Variants in ZNF469 observed in about 807,000 individuals in gnomAD.
The protein encoded by ZNF469 is zinc finger protein 469.
A neutral mutation model predicts 1.0 loss-of-function variants in ZNF469; 1 was observed. The ratio of observed to expected loss-of-function variants is 1.00; its 90% CI spans 0.35 to 4.73. The LOEUF (loss-of-function observed/expected upper bound fraction) is 4.73. Among genes scored for constraint, ZNF469 ranks in the 30% most tolerant of loss-of-function variants. ZNF469 has a pLI of 0.16. For synonymous variants in ZNF469, 2,703 were observed against 2,363.4 expected (o/e 1.14, Z -4.17); for missense variants, 6,100 against 5,356.3 (o/e 1.14, Z -4.33).
chr16:88,387,848 G>A (rs897040160), intron 1 of ZNF469, among the ~76,000 whole-genome samples: 3 of 152,128 alleles, frequency 2.0e-5, no homozygotes, highest in Non-Finnish European at 4.4e-5. Context: ...CCCCGCCGTG[G>A]AGGAACCAGG....
the ZNF469 span, among the ~76,000 whole-genome samples, chr16:88,329,828 C>T: frequency 3.9e-5 from 6 of 152,238 alleles, no homozygotes; most frequent in African/African-American, 1.2e-4. Flanking sequence ...GGGATGCAGA[C>T]GCCTTCACAA....
chr16:88,437,751 C>A lies in ZNF469; in HGVS notation c.10281C>A (p.Phe3427Leu). Reference protein sequence around the residue: ...SFACSSCNYTFAKKEQFDRHM... With the variant: ...SFACSSCNYTLAKKEQFDRHM... ...CCTGCAGCTCCTGCAACTACACCTTCGCCAAGAAGGAGCAGTTCGACCGCC... is the reference window on the plus strand; with the variant it reads ...CCTGCAGCTCCTGCAACTACACCTTAGCCAAGAAGGAGCAGTTCGACCGCC... The change falls in exon 3 of 3, where the codon TTC (phenylalanine) becomes TTA (leucine). Residue 3427 changes from phenylalanine to leucine, a missense_variant. Physicochemically the swap from Phe to Leu is conservative, Grantham distance 22. Transcript: ENST00000565624. 2.6e-6 allele frequency: 4 copies of A among 1,549,784 alleles called. No homozygotes were observed. The highest frequency in any genetic ancestry group is 3.5e-6 in the Non-Finnish European group (4 of 1,146,608).
At chr16:88,255,622 C>T in the ZNF469 span, among the ~76,000 whole-genome samples, 11 of 152,182 alleles carry the variant, frequency 7.2e-5, no homozygotes, top group Admixed American at 5.2e-4. Context: ...CCAAAGTCCA[C>T]GGTTTACGTT....
chr16:88,164,901 T>C, the ZNF469 span, among the ~76,000 whole-genome samples: 7 of 152,230 alleles, frequency 4.6e-5, no homozygotes, highest in Non-Finnish European at 1.0e-4. Flanking sequence ...CAGTCTACAC[T>C]GAGCGTGCTT....
the ZNF469 span, among the ~76,000 whole-genome samples, chr16:88,216,580 T>A: frequency 6.6e-6 from 1 of 152,242 alleles, no homozygotes; most frequent in Non-Finnish European, 1.5e-5. Context: ...TATTGTTGAT[T>A]CTTGGAAGAC....
At chr16:88,263,389 G>T in the ZNF469 span, among the ~76,000 whole-genome samples, 108 of 152,336 alleles carry the variant, frequency 7.1e-4, no homozygotes, top group African/African-American at 2.5e-3. Flanking sequence ...AATCGGGAAC[G>T]CCCGCTCCCT....
intron 1 of ZNF469, among the ~76,000 whole-genome samples, chr16:88,402,010 GGATA>G (rs1904894136): frequency 6.7e-6 from 1 of 149,842 alleles, no homozygotes; most frequent in African/African-American, 2.5e-5. Context: ...ATGGGTGGAT[GGATA>G]GATATGTGGG....
chr16:88,385,605 C>T (rs1027527173), intron 1 of ZNF469, among the ~76,000 whole-genome samples: 4 of 150,412 alleles, frequency 2.7e-5, no homozygotes, highest in African/African-American at 9.8e-5. Flanking sequence ...ATCGTGCCAC[C>T]GCATTCCAGC....
the ZNF469 span, among the ~76,000 whole-genome samples, chr16:88,108,005 C>G: frequency 1.2e-4 from 19 of 152,364 alleles, no homozygotes; most frequent in African/African-American, 4.3e-4. Flanking sequence ...TCCATGCGAT[C>G]TGTATGTCAT....
At chr16:88,279,898 C>T in the ZNF469 span, among the ~76,000 whole-genome samples, 19 of 118,544 alleles carry the variant, frequency 1.6e-4, no homozygotes, top group African/African-American at 5.1e-4. Context: ...GTTAGTGCTG[C>T]ACCACGCCGA....
the ZNF469 span, among the ~76,000 whole-genome samples, chr16:88,336,655 C>T: frequency 6.6e-6 from 1 of 152,342 alleles, no homozygotes; most frequent in South Asian, 2.1e-4. Context: ...TATGTCCATC[C>T]TTCACGTGAG....
At chr16:88,108,910 A>T in the ZNF469 span, among the ~76,000 whole-genome samples, 3 of 152,188 alleles carry the variant, frequency 2.0e-5, no homozygotes, top group Non-Finnish European at 4.4e-5. Flanking sequence ...AGATGACTCC[A>T]GCAAAGACAT....
chr16:88,140,848 G>T, the ZNF469 span, among the ~76,000 whole-genome samples: 1 of 152,152 alleles, frequency 6.6e-6, no homozygotes, highest in African/African-American at 2.4e-5. Context: ...CAGGAGAGTC[G>T]CTTGAACCCA....
At chr16:88,152,505 G>A in the ZNF469 span, among the ~76,000 whole-genome samples, 16 of 152,242 alleles carry the variant, frequency 1.1e-4, no homozygotes, top group East Asian at 9.7e-4. This position sits in a 1 kb window ranked among gnomAD's most constrained non-coding sequence, Gnocchi z 4.2. Context: ...TCTGCTTGGC[G>A]CGCTGGATGC....
At chr16:88,396,616 A>G (rs985992485) in intron 1 of ZNF469, among the ~76,000 whole-genome samples, 6 of 150,044 alleles carry the variant, frequency 4.0e-5, no homozygotes, top group African/African-American at 1.5e-4. Context: ...ATCTGAAGGG[A>G]GGCCGGGAGG....
chr16:88,192,905 T>C, the ZNF469 span, among the ~76,000 whole-genome samples: 1 of 149,928 alleles, frequency 6.7e-6, no homozygotes, highest in Non-Finnish European at 1.5e-5. Context: ...ATGGTGGTGA[T>C]GATGGAGGTG....
intron 1 of ZNF469, among the ~76,000 whole-genome samples, chr16:88,410,501 G>A (rs1473444912): frequency 6.6e-6 from 1 of 150,546 alleles, no homozygotes; most frequent in Non-Finnish European, 1.5e-5. Flanking sequence ...GCCGTTGATG[G>A]TGCAGGTCAC....
At chr16:88,225,274 G>T in the ZNF469 span, among the ~76,000 whole-genome samples, 3 of 152,236 alleles carry the variant, frequency 2.0e-5, no homozygotes, top group East Asian at 5.8e-4. Context: ...GTTGGATTCT[G>T]ATTTCCCGAT....
chr16:88,223,794 A>G, the ZNF469 span, among the ~76,000 whole-genome samples: 1 of 152,138 alleles, frequency 6.6e-6, no homozygotes, highest in African/African-American at 2.4e-5. Context: ...ATTTGTGGTT[A>G]TTTGACTTTT....
Sources: gnomAD v4.1 joint callset for allele counts (sites outside exome capture counted in the v4.1 genomes callset) on GRCh38, gnomAD v4.1.1 for gene constraint, Gnocchi (gnomAD v3.1) non-coding constraint, MANE v1.5 for transcripts, NCBI Gene and HGNC (gene_info 2026-07-23, HGNC 2026-07-21) for gene names.